EFR3A: variants seen among roughly 807,000 people sequenced by gnomAD.
The protein encoded by EFR3A is EFR3 homolog A.
EFR3A carries 76 observed loss-of-function variants against 104.4 expected under a neutral mutation model. The ratio of observed to expected loss-of-function variants is 0.73; its 90% confidence interval spans 0.60 to 0.88. The LOEUF (loss-of-function observed/expected upper bound fraction) is 0.88, where lower values mean the gene tolerates loss of function less well. EFR3A is among the 40% of genes least tolerant of loss of function. The pLI is 0.00. For synonymous variants in EFR3A, 330 were observed against 330.0 expected (o/e 1.00, Z 0.00); for missense variants, 985 against 1,012.5 (o/e 0.97, Z 0.37).
intron 7 of EFR3A, 42 bp downstream of exon 7, chr8:131,955,947 TATTA>T (rs768688761): frequency 1.2e-6 from 2 of 1,604,570 alleles, no homozygotes; most frequent in Non-Finnish European, 1.7e-6. Context: ...GATTTTGCTG[TATTA>T]ATTCTGTGTT....
At chr8:131,949,882 T>C in intron 4 of EFR3A, 87 bp from the exon 5 acceptor site, 1 of 1,169,206 alleles carries the variant, frequency 8.6e-7, no homozygotes, top group Non-Finnish European at 1.2e-6. Flanking sequence ...TTATATTGCT[T>C]GTTAATATGA....
intron 14 of EFR3A, among the ~76,000 whole-genome samples, chr8:131,981,919 C>T (rs1820635065): frequency 6.6e-6 from 1 of 152,122 alleles, no homozygotes; most frequent in Non-Finnish European, 1.5e-5. Context: ...ACTGAGTCTA[C>T]AACTCACTAT....
At chr8:131,985,878 A>G (rs1218840412) in intron 16 of EFR3A, among the ~76,000 whole-genome samples, 1 of 152,238 alleles carries the variant, frequency 6.6e-6, no homozygotes, top group African/African-American at 2.4e-5. Context: ...GCGATTTCCA[A>G]AATAGTGCAT....
chr8:132,006,323 T>C (rs1331221339), intron 22 of EFR3A, among the ~76,000 whole-genome samples: 1 of 151,926 alleles, frequency 6.6e-6, no homozygotes, highest in Non-Finnish European at 1.5e-5. Flanking sequence ...CTCTGGTCAG[T>C]GTTAAGGAAG....
chr8:131,980,723 A>G (rs184702635), intron 14 of EFR3A, among the ~76,000 whole-genome samples: 3 of 152,170 alleles, frequency 2.0e-5, no homozygotes, highest in Admixed American at 6.6e-5. Flanking sequence ...ATTATTGACT[A>G]TAGTCACCCT....
At chr8:131,989,763 C>T (rs770746175) in intron 18 of EFR3A, among the ~76,000 whole-genome samples, 31 of 152,110 alleles carry the variant, frequency 2.0e-4, no homozygotes, top group Non-Finnish European at 3.8e-4. Flanking sequence ...TCAAGGAATA[C>T]AATCTAGTGG....
intron 8 of EFR3A, 91 bp from the exon 9 acceptor site, chr8:131,968,204 A>G: frequency 7.9e-7 from 1 of 1,268,998 alleles, no homozygotes. Flanking sequence ...CTAATTGGTC[A>G]TTTACGTGTC....
chr8:132,013,614 A>G lies in EFR3A; in HGVS notation c.*2719A>G, dbSNP rs1002191565. 1 of 152,418 alleles carries G rather than the reference A, an allele frequency of 6.6e-6. No individual in the cohort carries two copies. Among genetic ancestry groups the G allele is most frequent in the Non-Finnish European group, 1.5e-5 (1 of 68,020 alleles). 9.4% of individuals were successfully genotyped at this position (152,418 alleles called of 1,614,324 possible). A position where few individuals can be genotyped will look rare whatever the true frequency, so the allele number is the denominator to read the frequency against. ...TATAGCTATTGTTACATTTAATTAA[A>G]TTTATTCAATATTTGCTTAAATTAA... On this transcript the variant is annotated 3_prime_UTR_variant, in exon 23 of 23. Coordinates refer to ENST00000254624, the MANE Select transcript of EFR3A (RefSeq NM_015137.6).
chr8:131,914,923 C>A (rs950935009), intron 1 of EFR3A, among the ~76,000 whole-genome samples: 1 of 152,094 alleles, frequency 6.6e-6, no homozygotes, highest in Non-Finnish European at 1.5e-5. Context: ...TTTTCTGTTC[C>A]TGTGTCAGTT....
Position 132,001,826 on chromosome 8 carries a change from G to C in EFR3A, c.2206+19G>C. ...GCAATTGGTGAGATATTTTGCACTT[G>C]TTAGTACTACCAATATTTAACTTAT... On this transcript the variant is annotated intron_variant, in intron 20 of 22. Coordinates refer to ENST00000254624, the MANE Select transcript of EFR3A (RefSeq NM_015137.6). 1.2e-6 allele frequency: 2 copies of C among 1,603,734 alleles called. No homozygotes were observed. The highest frequency in any genetic ancestry group is 3.3e-4 in the Middle Eastern group (2 of 6,040).
chr8:131,950,685 C>T lies in EFR3A; in HGVS notation c.488+595C>T, dbSNP rs1341344346. Among the ~76,000 whole-genome samples the T allele has an allele frequency of 2.6e-5, 4 of 152,194 alleles. No homozygotes were observed. The South Asian group carries it at 8.3e-4, about 32-fold the overall frequency. On this transcript the variant is annotated intron_variant, in intron 5 of 22. Coordinates refer to ENST00000254624, the MANE Select transcript of EFR3A (RefSeq NM_015137.6). Reference sequence around the variant, plus strand: ...GACTTTGGTTTGAGGACTGCAGTATCGCGAATACTTTGAATAGTGCCTGGT... The same window carrying T: ...GACTTTGGTTTGAGGACTGCAGTATTGCGAATACTTTGAATAGTGCCTGGT...
intron 14 of EFR3A, among the ~76,000 whole-genome samples, chr8:131,982,808 C>T (rs189942061): frequency 6.6e-6 from 1 of 152,024 alleles, no homozygotes; most frequent in East Asian, 1.9e-4. Flanking sequence ...TTTTACCCCA[C>T]CCAAGTATAG....
At chr8:131,993,664 G>A (rs1253300650) in intron 18 of EFR3A, among the ~76,000 whole-genome samples, 3 of 151,880 alleles carry the variant, frequency 2.0e-5, no homozygotes, top group African/African-American at 4.8e-5. Flanking sequence ...GGGAGGCCGA[G>A]GTAGGAGGAT....
chr8:132,005,412 T>C (rs1211732373), intron 22 of EFR3A, among the ~76,000 whole-genome samples: 1 of 151,228 alleles, frequency 6.6e-6, no homozygotes, highest in African/African-American at 2.4e-5. Flanking sequence ...ATTTTAACCA[T>C]ACCTGAGTAT....
intron 7 of EFR3A, 89 bp from the exon 8 acceptor site, chr8:131,959,496 C>A: frequency 1.0e-6 from 1 of 968,812 alleles, no homozygotes; most frequent in Non-Finnish European, 1.6e-6. Context: ...GTAATATTCT[C>A]ACTATTAAGC....
chr8:131,987,485 G>A, intron 17 of EFR3A, 90 bp from the exon 18 acceptor site: 2 of 1,342,132 alleles, frequency 1.5e-6, no homozygotes, highest in Non-Finnish European at 2.0e-6. Context: ...TTAGAATATT[G>A]AGGCTTTTGC....
At position 131,904,251 on chromosome 8, in the gene EFR3A, T is replaced by C; in HGVS notation, c.-62T>C. The C allele has an allele frequency of 7.8e-7, 1 of 1,280,942 alleles. No individual in the cohort carries two copies. 79.3% of individuals were successfully genotyped at this position (1,280,942 alleles called of 1,614,324 possible). A position where few individuals can be genotyped will look rare whatever the true frequency, so the allele number is the denominator to read the frequency against. On this transcript the variant is annotated 5_prime_UTR_variant, in exon 1 of 23. Transcript: ENST00000254624. ...CCCAGCAACGGCCGTCATGGTGCCG[T>C]CGGCGCTCCCTGCGCGGCCCCGCTG...
intron 6 of EFR3A, 86 bp from the exon 7 acceptor site, chr8:131,955,682 A>G: frequency 7.0e-7 from 1 of 1,425,178 alleles, no homozygotes; most frequent in South Asian, 1.4e-5. Context: ...TGCCATTTTA[A>G]CATTTCTAAA....
rs762282805 is a variant in EFR3A, at chr8:131,981,021, T to TTATATATATA, written c.1575+1615_1575+1624dup. Among the ~76,000 whole-genome samples, 713 of 125,990 alleles carry TTATATATATA rather than the reference T, an allele frequency of 5.7e-3. 8 individuals are homozygous for TTATATATATA. The highest frequency in any genetic ancestry group is 0.019 in the African/African-American group (677 of 35,650). 82.7% of individuals were successfully genotyped at this position (125,990 alleles called of 152,430 possible). ...GTGTAAGGCTGAATAGTATTTCATTTTATATATATATATATATATATATAC... is the reference window on the plus strand; with the variant it reads ...GTGTAAGGCTGAATAGTATTTCATTTTATATATATATATATATATATATATATATATATAC... On this transcript the variant is annotated intron_variant, in intron 14 of 22. Transcript: ENST00000254624.
Sources: gnomAD v4.1 joint callset for allele counts (sites outside exome capture counted in the v4.1 genomes callset) on GRCh38, gnomAD v4.1.1 for gene constraint, MANE v1.5 for transcripts, NCBI Gene and HGNC (gene_info 2026-07-23, HGNC 2026-07-21) for gene names.